The following CSMD1 variants were observed in gnomAD, a reference collection of about 807,000 sequenced individuals.
CSMD1 encodes the protein CUB and sushi domain-containing protein 1.
A neutral mutation model predicts 417.5 loss-of-function variants in CSMD1; 213 were observed. That is an observed-to-expected ratio of 0.51 (90% confidence interval 0.46 to 0.57). The LOEUF is 0.57. Among genes scored for constraint, CSMD1 ranks in the 20% least tolerant of loss-of-function variants. The pLI is 0.00. For synonymous variants in CSMD1, 2,862 were observed against 1,736.8 expected, an observed-to-expected ratio of 1.65 and a Z score of -16.11; for missense variants, 6,923 against 4,529.7, an observed-to-expected ratio of 1.53 and a Z score of -15.17.
At position 4,835,380 on chromosome 8, in the gene CSMD1, T is replaced by G. The variant is rs536350153; in HGVS notation, c.85+158952A>C. Among the ~76,000 whole-genome samples the G allele has an allele frequency of 3.3e-5, 5 of 152,266 alleles. No homozygotes were observed. The East Asian group carries it at 7.7e-4, about 24-fold the overall frequency. Reference sequence around the variant, plus strand: ...CAGAAAGATTCTGAGGTTAGTAATTTGGGAAGCTGAGCATATGATTTCACC... The same window carrying G: ...CAGAAAGATTCTGAGGTTAGTAATTGGGGAAGCTGAGCATATGATTTCACC... On this transcript the variant is annotated intron_variant, in intron 1 of 69. Coordinates refer to ENST00000635120, the MANE Select transcript of CSMD1 (RefSeq NM_033225.6).
intron 23 of CSMD1, among the ~76,000 whole-genome samples, chr8:3,332,479 A>G (rs1389088759): frequency 6.6e-6 from 1 of 152,190 alleles, no homozygotes; most frequent in African/African-American, 2.4e-5. Context: ...CTTAGGGAAG[A>G]TCGAGGCACA....
At chr8:4,867,375 A>G (rs754629577) in intron 1 of CSMD1, among the ~76,000 whole-genome samples, 1 of 152,128 alleles carries the variant, frequency 6.6e-6, no homozygotes, top group African/African-American at 2.4e-5. Flanking sequence ...GTTGGCCAAC[A>G]CTTAATTATT....
rs193134488 is a variant in CSMD1 at position 4,407,729 on chromosome 8, T to G, written c.415+12224A>C. ...ATAAATAGCTGTAGTTTTTCCATGA[T>G]TCATGCATGTAAGCATTCCTTTAAA... On this transcript the variant is annotated intron_variant, in intron 3 of 69. Transcript: ENST00000635120. Among the ~76,000 whole-genome samples, 8 of 152,320 alleles carry G rather than the reference T, an allele frequency of 5.3e-5. No homozygotes were observed. The East Asian group carries it at 1.4e-3, about 26-fold the overall frequency.
At chr8:3,806,122 G>A (rs1198385435) in intron 5 of CSMD1, among the ~76,000 whole-genome samples, 2 of 152,130 alleles carry the variant, frequency 1.3e-5, no homozygotes, top group African/African-American at 4.8e-5. Flanking sequence ...TAGTATTTAT[G>A]AAAGCATCAA....
At chr8:3,334,547 T>A (rs1235836737) in intron 23 of CSMD1, among the ~76,000 whole-genome samples, 4 of 152,228 alleles carry the variant, frequency 2.6e-5, no homozygotes, top group African/African-American at 4.8e-5. Context: ...AAAACCAGCA[T>A]GACAGCTACA....
intron 7 of CSMD1, among the ~76,000 whole-genome samples, chr8:3,655,435 G>C (rs753359892): frequency 2.0e-5 from 3 of 152,104 alleles, no homozygotes; most frequent in Non-Finnish European, 4.4e-5. Context: ...TTAGTTTATA[G>C]CATATTTCAT....
At chr8:3,349,440 G>C (rs2730043) in intron 21 of CSMD1, among the ~76,000 whole-genome samples, 40,137 of 151,784 alleles carry the variant, frequency 0.26, 5,842 homozygotes, top group East Asian at 0.47. Context: ...AAGGGTGTGA[G>C]GAGAAAGTCA....
chr8:4,142,526 A>G (rs1803852509), intron 3 of CSMD1, among the ~76,000 whole-genome samples: 1 of 151,302 alleles, frequency 6.6e-6, no homozygotes, highest in Non-Finnish European at 1.5e-5. Flanking sequence ...GATGAATTCT[A>G]AGTTTAGCAA....
intron 50 of CSMD1, among the ~76,000 whole-genome samples, chr8:3,046,647 C>A (rs763006444): frequency 2.0e-5 from 3 of 152,142 alleles, no homozygotes; most frequent in Non-Finnish European, 4.4e-5. Flanking sequence ...GGCAGCGTTA[C>A]ACAATTGCTG....
intron 1 of CSMD1, among the ~76,000 whole-genome samples, chr8:4,751,796 C>G (rs1029876716): frequency 6.6e-6 from 1 of 152,110 alleles, no homozygotes; most frequent in Non-Finnish European, 1.5e-5. Context: ...TAGCTCTGCC[C>G]CGTACATGCA....
intron 1 of CSMD1, among the ~76,000 whole-genome samples, chr8:4,880,713 A>G (rs1585255655): frequency 6.6e-6 from 1 of 152,164 alleles, no homozygotes; most frequent in East Asian, 1.9e-4. Context: ...GCATAATCAT[A>G]AATATCCCAC....
intron 23 of CSMD1, among the ~76,000 whole-genome samples, chr8:3,309,323 A>AG (rs1182129807): frequency 1.4e-5 from 2 of 141,848 alleles, no homozygotes; most frequent in East Asian, 4.1e-4. Flanking sequence ...TCATGGGAAA[A>AG]GAAAAAAAAA....
chr8:4,801,534 T>A (rs28413498), intron 1 of CSMD1, among the ~76,000 whole-genome samples: 10,597 of 152,106 alleles, frequency 0.07, 618 homozygotes, highest in East Asian at 0.23. Context: ...AGTTACTAAA[T>A]TAGAAACAAA....
chr8:4,168,546 G>C (rs1346949940), intron 3 of CSMD1, among the ~76,000 whole-genome samples: 2 of 152,064 alleles, frequency 1.3e-5, no homozygotes, highest in Non-Finnish European at 2.9e-5. Context: ...GAACACAACA[G>C]TGAGCAGATG....
At chr8:4,469,026 C>A (rs1483984635) in intron 2 of CSMD1, among the ~76,000 whole-genome samples, 1 of 152,140 alleles carries the variant, frequency 6.6e-6, no homozygotes, top group Non-Finnish European at 1.5e-5. Flanking sequence ...GTTCAAAAGA[C>A]AATGCTATAC....
At chr8:4,323,778 G>A (rs537674945) in intron 3 of CSMD1, among the ~76,000 whole-genome samples, 1 of 152,204 alleles carries the variant, frequency 6.6e-6, no homozygotes, top group East Asian at 1.9e-4. Flanking sequence ...GGCCAGACCT[G>A]CCTATCTTGA....
intron 6 of CSMD1, among the ~76,000 whole-genome samples, chr8:3,709,709 T>TTTTTTTC (rs1554518391): frequency 1.5e-5 from 2 of 129,510 alleles, no homozygotes; most frequent in East Asian, 2.5e-4. Context: ...TTTTTTTTTT[T>TTTTTTTC]CCCTGCTTTC....
At chr8:3,778,852 GTTGAGAAAACAT>G (rs1799029483) in intron 5 of CSMD1, among the ~76,000 whole-genome samples, 1 of 152,194 alleles carries the variant, frequency 6.6e-6, no homozygotes, top group Non-Finnish European at 1.5e-5. Flanking sequence ...TGAATACTCA[GTTGAGAAAACAT>G]GCTGCTTGCA....
In CSMD1 at chr8:3,432,890, AAC is replaced by A. The variant is rs1273414786; in HGVS notation, c.1562-23287_1562-23286del. Among the ~76,000 whole-genome samples, 20 of 152,310 alleles carry A rather than the reference AAC, an allele frequency of 1.3e-4. No homozygotes were observed. In the East Asian group the frequency reaches 3.5e-3, roughly 27 times the overall value. ...AATATAGTCATCAGAGTAATGCCTA[AAC>A]ACACAGACACACACAGTTACATTTC... is the stretch of plus-strand genomic sequence containing the variant. On this transcript the variant is annotated intron_variant, in intron 12 of 69. Coordinates refer to ENST00000635120, the MANE Select transcript of CSMD1 (RefSeq NM_033225.6).
Sources: gnomAD v4.1 joint callset for allele counts (sites outside exome capture counted in the v4.1 genomes callset) on GRCh38, gnomAD v4.1.1 for gene constraint, MANE v1.5 for transcripts, NCBI Gene and HGNC (gene_info 2026-07-23, HGNC 2026-07-21) for gene names.